MSI2: variants seen among roughly 807,000 people sequenced by gnomAD.
MSI2 encodes RNA-binding protein Musashi homolog 2.
A neutral mutation model predicts 45.6 loss-of-function variants in MSI2; 17 were observed. That is an observed-to-expected ratio of 0.37 (90% CI 0.26 to 0.56). MSI2 has a LOEUF of 0.56. Ranked by LOEUF, MSI2 falls within the 20% of genes least tolerant of loss-of-function variation. The pLI, the probability that MSI2 is intolerant of heterozygous loss-of-function variation, is 0.77. For missense variants in MSI2, 293 were observed against 444.2 expected (o/e 0.66, Z 3.06); for synonymous variants, 156 against 158.2 (o/e 0.99, Z 0.11).
intron 5 of MSI2, among the ~76,000 whole-genome samples, chr17:57,328,490 ATTAGATCACATTATACAT>A (rs970295061): frequency 1.3e-5 from 2 of 152,270 alleles, no homozygotes; most frequent in African/African-American, 4.8e-5. Context: ...CTCTTAAAAA[ATTAGATCACATTATACAT>A]TTAGATCACA....
At chr17:57,700,580 T>A in the MSI2 span, among the ~76,000 whole-genome samples, 1 of 152,136 alleles carries the variant, frequency 6.6e-6, no homozygotes, top group Non-Finnish European at 1.5e-5. Context: ...AACATTGACC[T>A]CACCACAAGC....
chr17:57,291,547 T>C (rs1910418883), intron 5 of MSI2, among the ~76,000 whole-genome samples: 1 of 151,964 alleles, frequency 6.6e-6, no homozygotes, highest in South Asian at 2.1e-4. Context: ...CCCAAGAAAA[T>C]TGGGTCTTAA....
At chr17:57,686,973 G>C (rs566545729), downstream of MSI2, among the ~76,000 whole-genome samples, 1 of 150,862 alleles carries the variant, frequency 6.6e-6, no homozygotes, top group Non-Finnish European at 1.5e-5. Context: ...TATATTCATG[G>C]AACATAAAAA....
At chr17:57,310,297 G>C (rs1912277043) in intron 5 of MSI2, among the ~76,000 whole-genome samples, 1 of 152,082 alleles carries the variant, frequency 6.6e-6, no homozygotes, top group African/African-American at 2.4e-5. Flanking sequence ...CCTGAGAGCA[G>C]AGCTCAGTGG....
At chr17:57,266,576 G>A in intron 5 of MSI2, 1 of 152,298 alleles carries the variant, frequency 6.6e-6, no homozygotes, top group Non-Finnish European at 1.5e-5. Flanking sequence ...GGCCAGGCTG[G>A]TCTTGAACTC....
At chr17:57,291,711 A>G (rs891662253) in intron 5 of MSI2, among the ~76,000 whole-genome samples, 14 of 152,164 alleles carry the variant, frequency 9.2e-5, no homozygotes, top group African/African-American at 3.1e-4. Context: ...TCTCTACGGT[A>G]GGACTGGATT....
intron 6 of MSI2, among the ~76,000 whole-genome samples, chr17:57,478,485 G>A (rs1021249229): frequency 6.6e-6 from 1 of 152,176 alleles, no homozygotes; most frequent in Admixed American, 6.5e-5. Context: ...AGAAAGGAAA[G>A]TCCACAGGCC....
chr17:57,701,002 G>A, the MSI2 span, among the ~76,000 whole-genome samples: 1 of 152,188 alleles, frequency 6.6e-6, no homozygotes, highest in Non-Finnish European at 1.5e-5. Flanking sequence ...GATTTGGAGT[G>A]AAGGGTGAAG....
intron 5 of MSI2, among the ~76,000 whole-genome samples, chr17:57,308,836 T>C (rs2143589582): frequency 6.6e-6 from 1 of 152,204 alleles, no homozygotes; most frequent in East Asian, 1.9e-4. Flanking sequence ...TTTTTCCTGG[T>C]GAGTTTTATT....
intron 7 of MSI2, among the ~76,000 whole-genome samples, chr17:57,572,813 G>A (rs557169062): frequency 5.8e-4 from 88 of 152,312 alleles, no homozygotes; most frequent in African/African-American, 1.9e-3. Flanking sequence ...CTTCCCCGCC[G>A]TCCTGATTTA....
rs1306036981 is a variant in MSI2 at position 57,257,671 on chromosome 17, A to C, written c.185+124A>C. 5 of 657,136 alleles carry C rather than the reference A, an allele frequency of 7.6e-6. No individual in the cohort carries two copies. The East Asian group carries it at 1.1e-4, about 15-fold the overall frequency. The allele number at this position is 657,136 out of a possible 1,614,324, so 40.7% of individuals were successfully genotyped here. A position where few individuals can be genotyped will look rare whatever the true frequency, so the allele number is the denominator to read the frequency against. On this transcript the variant is annotated intron_variant, in intron 3 of 13. Coordinates refer to ENST00000284073, the MANE Select transcript of MSI2 (RefSeq NM_138962.4). ...GGCTCAGGCGCGTGGCTGATCTCGA[A>C]CGGCGCTCTATACCACCCCCACCGC...
At chr17:57,404,313 A>G (rs1357853086) in intron 6 of MSI2, among the ~76,000 whole-genome samples, 1 of 152,134 alleles carries the variant, frequency 6.6e-6, no homozygotes, top group Non-Finnish European at 1.5e-5. Flanking sequence ...CCAACTGCTG[A>G]TCAGTCCCCA....
rs1907249780 is a variant in MSI2 at position 57,612,230 on chromosome 17, A to G, written c.538-3740A>G. 2.1e-5 allele frequency among the ~76,000 whole-genome samples: 2 copies of G among 95,588 alleles called. 1 individual carries two copies. The highest frequency in any genetic ancestry group is 5.0e-5 in the Non-Finnish European group (2 of 39,828). The allele number at this position is 95,588 out of a possible 152,430, so 62.7% of individuals were successfully genotyped here. ...CTTGCATTCATCTTAGGAGAACAAG[A>G]CAGTCAGAGCCTCTTCTTTTTCAAT... On this transcript the variant is annotated intron_variant, in intron 8 of 13. Coordinates refer to ENST00000284073, the MANE Select transcript of MSI2 (RefSeq NM_138962.4).
chr17:57,421,167 G>C (rs963925067), intron 6 of MSI2, among the ~76,000 whole-genome samples: 1 of 152,056 alleles, frequency 6.6e-6, no homozygotes, highest in Non-Finnish European at 1.5e-5. Context: ...TGTCGGTGGA[G>C]CTGCAGCTGA....
intron 6 of MSI2, among the ~76,000 whole-genome samples, chr17:57,482,559 G>A (rs576824331): frequency 6.6e-6 from 1 of 152,334 alleles, no homozygotes; most frequent in East Asian, 1.9e-4. Context: ...GAGTTAGGAA[G>A]CTTGATGCTG....
chr17:57,672,280 G>A (rs1189506685), intron 11 of MSI2, among the ~76,000 whole-genome samples: 2 of 152,200 alleles, frequency 1.3e-5, no homozygotes, highest in Admixed American at 6.5e-5. Context: ...GCAAGGAGGG[G>A]TAATATAGAC....
At chr17:57,463,421 C>T (rs2143635515) in intron 6 of MSI2, among the ~76,000 whole-genome samples, 1 of 152,288 alleles carries the variant, frequency 6.6e-6, no homozygotes, top group Admixed American at 6.5e-5. Flanking sequence ...TCAAGCCAGT[C>T]ACCGCTTCTG....
intron 5 of MSI2, among the ~76,000 whole-genome samples, chr17:57,318,330 G>C (rs1164623771): frequency 1.3e-5 from 2 of 152,074 alleles, no homozygotes; most frequent in African/African-American, 4.8e-5. Context: ...TTTCATCGGA[G>C]CCTTTCCCCC....
intron 5 of MSI2, among the ~76,000 whole-genome samples, chr17:57,311,218 G>GA (rs1376931640): frequency 2.6e-5 from 4 of 152,344 alleles, no homozygotes; most frequent in Non-Finnish European, 5.9e-5. Flanking sequence ...TTTAGCTGTT[G>GA]AGACCAGTCA....
Sources: gnomAD v4.1 joint callset for allele counts (sites outside exome capture counted in the v4.1 genomes callset) on GRCh38, gnomAD v4.1.1 for gene constraint, MANE v1.5 for transcripts, NCBI Gene and HGNC (gene_info 2026-07-23, HGNC 2026-07-21) for gene names.